TINAG: variants seen among roughly 807,000 people sequenced by gnomAD.
The protein encoded by TINAG is tubulointerstitial nephritis antigen.
TINAG carries 83 observed loss-of-function variants against 72.7 expected under a neutral mutation model. That is an observed-to-expected ratio of 1.14 (90% CI 0.96 to 1.37). The LOEUF is 1.37. TINAG is among the 40% of genes most tolerant of loss of function. The pLI, the probability that TINAG is intolerant of heterozygous loss-of-function variation, is 0.00. For synonymous variants in TINAG, 234 were observed against 189.9 expected (o/e 1.23, Z -1.91); for missense variants, 685 against 576.6 (o/e 1.19, Z -1.93).
intron 9 of TINAG, among the ~76,000 whole-genome samples, chr6:54,360,371 T>C (rs1004450775): frequency 2.0e-5 from 3 of 151,642 alleles, no homozygotes; most frequent in Non-Finnish European, 4.4e-5. Context: ...AAGAGGAAAA[T>C]ATTTCTGATT....
intron 4 of TINAG, among the ~76,000 whole-genome samples, chr6:54,327,430 T>C (rs538196310): frequency 6.6e-5 from 10 of 152,290 alleles, no homozygotes; most frequent in Admixed American, 5.2e-4. Context: ...CCAGTTACTA[T>C]GCTTTTCCCA....
At chr6:54,389,727 T>C in intron 10 of TINAG, 64 bp from the exon 11 acceptor site, 1 of 1,535,534 alleles carries the variant, frequency 6.5e-7, no homozygotes, top group African/African-American at 1.4e-5. Flanking sequence ...GAGTTCTCCA[T>C]GGCTTTTTTT....
chr6:54,355,765 C>T (rs1508639), intron 9 of TINAG, among the ~76,000 whole-genome samples: 4,400 of 146,212 alleles, frequency 0.03, 220 homozygotes, highest in African/African-American at 0.099. Context: ...ATGTTTTCAC[C>T]ATTCCTAGAT....
intron 4 of TINAG, among the ~76,000 whole-genome samples, chr6:54,341,543 T>C (rs1784995936): frequency 6.6e-6 from 1 of 150,674 alleles, no homozygotes. Flanking sequence ...AATAGTTTTC[T>C]AAGTCAAAAC....
At chr6:54,334,646 C>G (rs996859635) in intron 4 of TINAG, among the ~76,000 whole-genome samples, 1 of 152,102 alleles carries the variant, frequency 6.6e-6, no homozygotes, top group African/African-American at 2.4e-5. Context: ...AGGTTAAAAG[C>G]CACCACAGAA....
chr6:54,342,670 G>A (rs1244461228), intron 4 of TINAG, among the ~76,000 whole-genome samples: 2 of 152,094 alleles, frequency 1.3e-5, no homozygotes, highest in African/African-American at 2.4e-5. Flanking sequence ...GCCCAGTCCT[G>A]AAGTCCTTTT....
chr6:54,323,927 C>T (rs1174372933), intron 3 of TINAG, among the ~76,000 whole-genome samples: 1 of 152,176 alleles, frequency 6.6e-6, no homozygotes, highest in Non-Finnish European at 1.5e-5. Context: ...GCACTCCAGC[C>T]TGGGCCACAG....
rs559807444 is a variant in TINAG at position 54,356,380 on chromosome 6, T to A, written c.1250+1744T>A. Among the ~76,000 whole-genome samples the A allele has an allele frequency of 1.8e-4, 27 of 151,508 alleles. No homozygotes were observed. In the South Asian group the frequency reaches 5.4e-3, roughly 30 times the overall value. Reference sequence around the variant, plus strand: ...TGAAACCCTCTTTCTATAAAAAAAATACAAAAATTAGCTGGGCATGGTTGC... The same window carrying A: ...TGAAACCCTCTTTCTATAAAAAAAAAACAAAAATTAGCTGGGCATGGTTGC... On this transcript the variant is annotated intron_variant, in intron 9 of 10. Coordinates refer to ENST00000259782, the MANE Select transcript of TINAG (RefSeq NM_014464.4).
chr6:54,327,700 A>G (rs1182995336), intron 4 of TINAG, among the ~76,000 whole-genome samples: 1 of 152,050 alleles, frequency 6.6e-6, no homozygotes, highest in Non-Finnish European at 1.5e-5. Flanking sequence ...ACTAAGATAC[A>G]CTGGCTTGAC....
At chr6:54,361,951 C>T (rs931774318) in intron 9 of TINAG, among the ~76,000 whole-genome samples, 2 of 151,618 alleles carry the variant, frequency 1.3e-5, no homozygotes, top group African/African-American at 4.8e-5. Context: ...TTCTTTAATT[C>T]CATGAAGACT....
At chr6:54,377,713 T>G (rs891396560) in intron 9 of TINAG, among the ~76,000 whole-genome samples, 2 of 152,048 alleles carry the variant, frequency 1.3e-5, no homozygotes, top group African/African-American at 4.8e-5. Context: ...TAAGAGAACA[T>G]TTGTGAAAAT....
intron 6 of TINAG, among the ~76,000 whole-genome samples, chr6:54,348,484 C>T (rs539235953): frequency 6.6e-6 from 1 of 152,014 alleles, no homozygotes; most frequent in Non-Finnish European, 1.5e-5. Flanking sequence ...GTGTCTTCAA[C>T]GCAAACACTG....
intron 1 of TINAG, among the ~76,000 whole-genome samples, chr6:54,315,644 T>C (rs571834927): frequency 1.3e-5 from 2 of 151,326 alleles, no homozygotes; most frequent in African/African-American, 2.4e-5. Flanking sequence ...ACCAATGCAC[T>C]CTAGCCTGGA....
chr6:54,327,208 C>G, intron 4 of TINAG: 1 of 1,525,382 alleles, frequency 6.6e-7, no homozygotes, highest in Non-Finnish European at 8.8e-7. Context: ...CCAGCGAGAC[C>G]AACGTAGAAG....
intron 9 of TINAG, among the ~76,000 whole-genome samples, chr6:54,356,563 CA>C (rs961216291): frequency 1.3e-5 from 2 of 151,728 alleles, no homozygotes; most frequent in African/African-American, 4.8e-5. Flanking sequence ...TATTAATGCT[CA>C]AAGATCATTA....
chr6:54,388,887 C>A (rs1045307291), intron 10 of TINAG, among the ~76,000 whole-genome samples: 2 of 152,012 alleles, frequency 1.3e-5, no homozygotes, highest in Admixed American at 1.3e-4. Context: ...TTTCTCTTAT[C>A]CAATTGAATT....
intron 4 of TINAG, among the ~76,000 whole-genome samples, chr6:54,337,917 T>C (rs1030355020): frequency 3.3e-5 from 5 of 152,176 alleles, no homozygotes; most frequent in Admixed American, 6.6e-5. Flanking sequence ...TTTTCATCCA[T>C]GTAGGGAAAA....
At chr6:54,361,995 G>T (rs1763252325) in intron 9 of TINAG, among the ~76,000 whole-genome samples, 1 of 151,608 alleles carries the variant, frequency 6.6e-6, no homozygotes, top group Non-Finnish European at 1.5e-5. Flanking sequence ...AGAAAGGCTT[G>T]AAGTTAGCAG....
chr6:54,327,212 G>A (rs915424922), intron 4 of TINAG: 11 of 1,515,840 alleles, frequency 7.3e-6, no homozygotes, highest in Non-Finnish European at 7.1e-6. Flanking sequence ...CGAGACCAAC[G>A]TAGAAGGTGG....
Sources: allele counts gnomAD v4.1 joint callset (sites outside exome capture counted in the v4.1 genomes callset), GRCh38; gene constraint gnomAD v4.1.1; transcripts MANE v1.5; gene names NCBI Gene and HGNC (gene_info 2026-07-23, HGNC 2026-07-21).